Variants in TASP1 observed in about 807,000 individuals in gnomAD.
The protein encoded by TASP1 is threonine aspartase 1.
In TASP1, 16 loss-of-function variants were observed where a neutral mutation model predicts 56.6. The ratio of observed to expected loss-of-function variants is 0.28; its 90% CI spans 0.19 to 0.43. The LOEUF (loss-of-function observed/expected upper bound fraction) is 0.43. Among genes scored for constraint, TASP1 ranks in the 20% least tolerant of loss-of-function variants. TASP1 has a pLI of 1.00. For synonymous variants in TASP1, 179 were observed against 184.2 expected (o/e 0.97, Z 0.23); for missense variants, 393 against 511.6 (o/e 0.77, Z 2.24).
At chr20:13,615,502 GTTTT>G (rs756677945) in intron 4 of TASP1, among the ~76,000 whole-genome samples, 3 of 132,212 alleles carry the variant, frequency 2.3e-5, no homozygotes, top group African/African-American at 2.7e-5. Context: ...TGAGAATCTG[GTTTT>G]TTTTTTTTTT....
intron 1 of TASP1, among the ~76,000 whole-genome samples, chr20:13,634,285 CATATT>C (rs1183011324): frequency 7.2e-5 from 11 of 152,162 alleles, no homozygotes; most frequent in African/African-American, 4.8e-5. Context: ...CAAATGGCCA[CATATT>C]ATATGATTCC....
At chr20:13,371,051 TTC>T in the TASP1 span, among the ~76,000 whole-genome samples, 2 of 152,256 alleles carry the variant, frequency 1.3e-5, no homozygotes, top group East Asian at 3.9e-4. Context: ...CATTTGAGTC[TTC>T]TCTCTTTTTT....
the TASP1 span, among the ~76,000 whole-genome samples, chr20:13,329,986 T>G: frequency 6.6e-6 from 1 of 152,124 alleles, no homozygotes; most frequent in Non-Finnish European, 1.5e-5. Context: ...AGTCATAGTC[T>G]TGCTCTGTCA....
At chr20:13,273,712 A>T in the TASP1 span, among the ~76,000 whole-genome samples, 2 of 152,214 alleles carry the variant, frequency 1.3e-5, no homozygotes, top group African/African-American at 4.8e-5. Flanking sequence ...GGCCAAATGG[A>T]TTAAAAATTA....
chr20:13,279,569 C>T, the TASP1 span: 1 of 1,504,812 alleles, frequency 6.6e-7, no homozygotes, highest in East Asian at 2.4e-5. Context: ...GACTTTCTTC[C>T]AAGGGTCATG....
At chr20:13,180,606 C>T in the TASP1 span, among the ~76,000 whole-genome samples, 3 of 152,090 alleles carry the variant, frequency 2.0e-5, no homozygotes, top group Non-Finnish European at 4.4e-5. Context: ...TTGAGTCTGG[C>T]ATAGCTCTTC....
the TASP1 span, among the ~76,000 whole-genome samples, chr20:13,271,581 C>T: frequency 9.8e-5 from 15 of 152,326 alleles, no homozygotes; most frequent in South Asian, 3.1e-3. Context: ...CCCAAAGTCA[C>T]ATGGCAGTAA....
intron 11 of TASP1, among the ~76,000 whole-genome samples, chr20:13,482,502 G>A (rs1477981767): frequency 2.6e-5 from 4 of 152,084 alleles, no homozygotes; most frequent in Non-Finnish European, 5.9e-5. Context: ...GGGTACTATG[G>A]ACATTTTAAC....
At chr20:13,393,147 C>T (rs971469450) in intron 13 of TASP1, 3 of 659,932 alleles carry the variant, frequency 4.5e-6, no homozygotes, top group African/African-American at 3.6e-5. Context: ...CTGCTTAGCA[C>T]CCCTGGCCAA....
intron 4 of TASP1, among the ~76,000 whole-genome samples, chr20:13,605,741 A>G (rs2048125455): frequency 1.3e-5 from 2 of 152,182 alleles, no homozygotes; most frequent in Admixed American, 1.3e-4. Context: ...TTAAGCGGTC[A>G]TCTGATCTTC....
intron 11 of TASP1, among the ~76,000 whole-genome samples, chr20:13,445,693 C>T (rs1365068879): frequency 1.3e-5 from 2 of 152,128 alleles, no homozygotes; most frequent in Non-Finnish European, 2.9e-5. Context: ...TACTACCCTG[C>T]CAACCCCTAG....
chr20:13,239,592 A>G, the TASP1 span: 2 of 152,202 alleles, frequency 1.3e-5, no homozygotes, highest in Non-Finnish European at 2.9e-5. Flanking sequence ...GTACTCACAT[A>G]CACAAGGGTC....
At chr20:13,634,044 G>A (rs1300980448) in intron 1 of TASP1, among the ~76,000 whole-genome samples, 4 of 152,082 alleles carry the variant, frequency 2.6e-5, no homozygotes, top group African/African-American at 9.7e-5. Context: ...CCATTTCTAG[G>A]TATATACCCA....
the TASP1 span, among the ~76,000 whole-genome samples, chr20:13,121,385 C>A: frequency 6.6e-6 from 1 of 152,172 alleles, no homozygotes; most frequent in Non-Finnish European, 1.5e-5. Flanking sequence ...GCACACTAGG[C>A]CCTGGCTGTA....
chr20:13,156,849 G>A, the TASP1 span, among the ~76,000 whole-genome samples: 1 of 152,058 alleles, frequency 6.6e-6, no homozygotes, highest in African/African-American at 2.4e-5. Flanking sequence ...CGGTTGCATG[G>A]CTCTCCAAAA....
the TASP1 span, among the ~76,000 whole-genome samples, chr20:13,235,583 C>T: frequency 2.4e-4 from 37 of 152,308 alleles, 1 homozygote; most frequent in South Asian, 7.7e-3. Flanking sequence ...GAAGTTAGAG[C>T]TGGAGAAAGC....
chr20:13,503,362 T>C (rs893948516), intron 10 of TASP1, among the ~76,000 whole-genome samples: 2 of 151,946 alleles, frequency 1.3e-5, no homozygotes. Context: ...AGAAAAGGCA[T>C]AAAATATTAA....
At chr20:13,466,505 G>A (rs909786359) in intron 11 of TASP1, among the ~76,000 whole-genome samples, 1 of 152,128 alleles carries the variant, frequency 6.6e-6, no homozygotes, top group Non-Finnish European at 1.5e-5. Context: ...CCAGCACTTT[G>A]GGAGGCCAAG....
At chr20:13,425,964 C>T (rs1042252117) in intron 12 of TASP1, among the ~76,000 whole-genome samples, 4 of 152,076 alleles carry the variant, frequency 2.6e-5, no homozygotes, top group Non-Finnish European at 4.4e-5. Context: ...TTGGGAGCAA[C>T]GGGGATTGAG....
Sources: allele counts gnomAD v4.1 joint callset (sites outside exome capture counted in the v4.1 genomes callset), GRCh38; gene constraint gnomAD v4.1.1; transcripts MANE v1.5; gene names NCBI Gene and HGNC (gene_info 2026-07-23, HGNC 2026-07-21).